Variants in ARAP2 observed in about 807,000 individuals in gnomAD.
The protein encoded by ARAP2 is ArfGAP with RhoGAP domain, ankyrin repeat and PH domain 2, also known as arf-GAP with Rho-GAP domain, ANK repeat and PH domain-containing protein 2.
In ARAP2, 148 loss-of-function variants were observed where a neutral mutation model predicts 194.5. The ratio of observed to expected loss-of-function variants is 0.76; its 90% confidence interval spans 0.67 to 0.87. The LOEUF (loss-of-function observed/expected upper bound fraction) is 0.87. Among genes scored for constraint, ARAP2 ranks in the 40% least tolerant of loss-of-function variants. The probability of loss-of-function intolerance (pLI) is 0.00; values close to 1 mark genes in which losing one functional copy is unlikely to be tolerated. For missense variants in ARAP2, 2,128 were observed against 1,989.7 expected (o/e 1.07, Z -1.32); for synonymous variants, 695 against 683.5 (o/e 1.02, Z -0.26).
Position 36,068,146 on chromosome 4 carries a change from G to A in ARAP2, c.4876C>T (p.Arg1626Ter), listed in dbSNP as rs771336636. ...LEHKDDKLRN[R>*]PRKHRSFNCL... is the part of the protein sequence containing the mutation. ...TTGAAACTCCGATGTTTTCGGGGTC[G>A]ATTTCGAAGTTTATCGTCCTTGTGC... Residue 1626 changes from arginine (R) to a stop codon, truncating the protein, a stop_gained, in exon 33 of 33, where the codon CGA becomes TGA. Coordinates refer to ENST00000303965, the MANE Select transcript of ARAP2 (RefSeq NM_015230.4). LOFTEE classifies it low-confidence loss of function (END_TRUNC). The A allele has an allele frequency of 1.2e-5, 19 of 1,613,736 alleles. No individual in the cohort carries two copies. Among genetic ancestry groups the A allele is most frequent in the Admixed American group, 3.3e-5 (2 of 59,982 alleles).
chr4:36,114,603 C>A (rs1404320198), intron 25 of ARAP2, among the ~76,000 whole-genome samples: 5 of 152,038 alleles, frequency 3.3e-5, no homozygotes, highest in African/African-American at 9.7e-5. Flanking sequence ...ATGAATCCAA[C>A]AGTCATCTAC....
intron 8 of ARAP2, among the ~76,000 whole-genome samples, chr4:36,014,224 C>CGAAAGAAAGAAAGAAAGAAAGAAAGAAA (rs1187551419): frequency 9.7e-5 from 6 of 61,710 alleles, no homozygotes; most frequent in East Asian, 1.0e-3. Flanking sequence ...GAGACCCTAT[C>CGAAAGAAAGAAAGAAAGAAAGAAAGAAA]GAAAGAAAGA....
At chr4:36,239,497 G>A (rs1753093280) in intron 1 of ARAP2, among the ~76,000 whole-genome samples, 1 of 152,204 alleles carries the variant, frequency 6.6e-6, no homozygotes, top group East Asian at 1.9e-4. Flanking sequence ...GATGAACCTT[G>A]AAGGTCATTA....
Position 36,229,459 on chromosome 4 carries a change from C to G in ARAP2, c.28G>C (p.Asp10His). 6.2e-7 allele frequency: 1 copy of G among 1,611,508 alleles called. No individual in the cohort carries two copies. Among genetic ancestry groups the G allele is most frequent in the Non-Finnish European group, 8.5e-7 (1 of 1,178,352 alleles). The change falls in exon 2 of 33, where the codon GAT (aspartate) becomes CAT (histidine). Residue 10 changes from aspartate (D) to histidine (H), a missense_variant. Coordinates refer to ENST00000303965, the MANE Select transcript of ARAP2 (RefSeq NM_015230.4). ...ATGCTCATTAGGAAATCTTTTATATCCACATTTACTTCACTGACTGAGGAC... is the reference window on the plus strand; with the variant it reads ...ATGCTCATTAGGAAATCTTTTATATGCACATTTACTTCACTGACTGAGGAC... MSSVSEVNV[D>H]IKDFLMSINL...
intron 9 of ARAP2, among the ~76,000 whole-genome samples, chr4:36,011,218 A>G (rs985362288): frequency 3.3e-5 from 5 of 152,102 alleles, no homozygotes; most frequent in African/African-American, 1.2e-4. Context: ...TTGTTACTGA[A>G]GCATCATTTC....
At chr4:36,101,024 A>T (rs182251071) in intron 27 of ARAP2, among the ~76,000 whole-genome samples, 25 of 152,226 alleles carry the variant, frequency 1.6e-4, no homozygotes, top group African/African-American at 5.5e-4. Flanking sequence ...TAACAATTTA[A>T]AATACAAACA....
chr4:36,199,421 A>C (rs1189619404), intron 6 of ARAP2, among the ~76,000 whole-genome samples: 2 of 152,186 alleles, frequency 1.3e-5, no homozygotes, highest in Non-Finnish European at 2.9e-5. Flanking sequence ...CTGACGGAGT[A>C]GCTGGGACTA....
chr4:36,209,411 T>G, intron 6 of ARAP2: 1 of 453,004 alleles, frequency 2.2e-6, no homozygotes, highest in Non-Finnish European at 4.4e-6. Flanking sequence ...CAAAATCAAA[T>G]TTCCTAAAAG....
intron 31 of ARAP2, among the ~76,000 whole-genome samples, chr4:36,079,478 T>A (rs1729023142): frequency 6.6e-6 from 1 of 152,150 alleles, no homozygotes; most frequent in African/African-American, 2.4e-5. Flanking sequence ...ACTTAATCGT[T>A]ACCAGTGAAT....
chr4:36,082,325 A>T, intron 29 of ARAP2, 39 bp from the exon 30 acceptor site: 1 of 1,580,770 alleles, frequency 6.3e-7, no homozygotes, highest in Non-Finnish European at 8.6e-7. Flanking sequence ...TAAATTAAAA[A>T]TAATACATTT....
intron 9 of ARAP2, among the ~76,000 whole-genome samples, chr4:36,008,550 A>T (rs1164522750): frequency 6.6e-6 from 1 of 152,044 alleles, no homozygotes; most frequent in African/African-American, 2.4e-5. Flanking sequence ...AACCTAAGAT[A>T]GATTAAAGAC....
chr4:36,008,659 A>G (rs1027472437), intron 9 of ARAP2, among the ~76,000 whole-genome samples: 1 of 152,008 alleles, frequency 6.6e-6, no homozygotes, highest in African/African-American at 2.4e-5. Flanking sequence ...ACAAATCCTC[A>G]AACAAAAATT....
intron 7 of ARAP2, among the ~76,000 whole-genome samples, chr4:36,187,967 C>T (rs996365390): frequency 2.0e-5 from 3 of 152,154 alleles, no homozygotes; most frequent in Non-Finnish European, 2.9e-5. Flanking sequence ...CATTTTGAAA[C>T]GAGTTTGTTA....
downstream of ARAP2, among the ~76,000 whole-genome samples, chr4:36,062,470 G>A (rs1283319846): frequency 3.3e-5 from 5 of 152,268 alleles, no homozygotes; most frequent in South Asian, 4.1e-4. Flanking sequence ...CTATTACACC[G>A]TCTTGATCTG....
chr4:36,149,919 C>A (rs1380010774), intron 16 of ARAP2, among the ~76,000 whole-genome samples: 2 of 152,100 alleles, frequency 1.3e-5, no homozygotes, highest in Non-Finnish European at 2.9e-5. Flanking sequence ...TATTTAAAAT[C>A]TATGCTCCTA....
intron 9 of ARAP2, among the ~76,000 whole-genome samples, chr4:36,167,445 T>C (rs1220258067): frequency 2.0e-5 from 3 of 152,138 alleles, no homozygotes; most frequent in African/African-American, 7.2e-5. Flanking sequence ...TGTAAAAAGA[T>C]GGGAAAACTG....
chr4:36,075,131 C>A (rs1727972017), intron 31 of ARAP2, among the ~76,000 whole-genome samples: 1 of 151,992 alleles, frequency 6.6e-6, no homozygotes, highest in Non-Finnish European at 1.5e-5. Context: ...AAACATAAAC[C>A]TGGGAGAAAA....
At chr4:36,136,170 T>C (rs1162521434) in intron 19 of ARAP2, among the ~76,000 whole-genome samples, 1 of 151,836 alleles carries the variant, frequency 6.6e-6, no homozygotes, top group Non-Finnish European at 1.5e-5. Context: ...TCGAAAGATA[T>C]TTTCAACACA....
At chr4:36,119,595 C>T in intron 24 of ARAP2, 55 bp downstream of exon 24, 2 of 1,274,094 alleles carry the variant, frequency 1.6e-6, no homozygotes, top group South Asian at 1.3e-5. Flanking sequence ...TCTTTACTTA[C>T]AATGGAAGTT....
Sources: allele counts gnomAD v4.1 joint callset (sites outside exome capture counted in the v4.1 genomes callset), GRCh38; gene constraint gnomAD v4.1.1; transcripts MANE v1.5; gene names NCBI Gene and HGNC (gene_info 2026-07-23, HGNC 2026-07-21).